VPS13B: variants seen among roughly 807,000 people sequenced by gnomAD.
The protein encoded by VPS13B is vacuolar protein sorting 13 homolog B.
VPS13B carries 285 observed loss-of-function variants against 426.4 expected under a neutral mutation model. The observed-to-expected ratio is 0.67, with a 90% CI of 0.61 to 0.74. The LOEUF (loss-of-function observed/expected upper bound fraction) is 0.74. VPS13B is among the 30% of genes least tolerant of loss of function. VPS13B has a pLI of 0.00. For missense variants in VPS13B, 4,537 were observed against 4,782.6 expected, an observed-to-expected ratio of 0.95 and a Z score of 1.51; for synonymous variants, 1,676 against 1,676.4, an observed-to-expected ratio of 1.00 and a Z score of 0.01.
At chr8:99,633,362 A>T (rs1828926797) in intron 33 of VPS13B, among the ~76,000 whole-genome samples, 1 of 152,060 alleles carries the variant, frequency 6.6e-6, no homozygotes, top group Non-Finnish European at 1.5e-5. Flanking sequence ...CTTTTCTGTG[A>T]CTTACATATA....
intron 14 of VPS13B, among the ~76,000 whole-genome samples, chr8:99,154,056 T>C (rs897284540): frequency 2.0e-5 from 3 of 152,082 alleles, no homozygotes; most frequent in African/African-American, 4.8e-5. Context: ...ATATCATTGC[T>C]CCTCTATAAG....
intron 34 of VPS13B, among the ~76,000 whole-genome samples, chr8:99,653,421 T>C (rs1029332304): frequency 6.6e-6 from 1 of 151,934 alleles, no homozygotes; most frequent in Non-Finnish European, 1.5e-5. Flanking sequence ...AGAAAAGAGG[T>C]TTACAGTTGG....
At chr8:99,173,878 C>G (rs1167710515) in intron 16 of VPS13B, among the ~76,000 whole-genome samples, 1 of 152,186 alleles carries the variant, frequency 6.6e-6, no homozygotes, top group Admixed American at 6.5e-5. Flanking sequence ...CTTCTTGATT[C>G]AAGGCTCGAT....
chr8:99,323,595 C>T (rs1010124537), intron 19 of VPS13B, among the ~76,000 whole-genome samples: 4 of 152,118 alleles, frequency 2.6e-5, no homozygotes, highest in Non-Finnish European at 5.9e-5. Context: ...TTATATCATG[C>T]CATCTCAAAT....
chr8:99,526,927 T>C (rs12542214), intron 30 of VPS13B, among the ~76,000 whole-genome samples: 43,352 of 151,978 alleles, frequency 0.29, 7,227 homozygotes, highest in East Asian at 0.44. Flanking sequence ...GGTGATTGGG[T>C]GTGATACTGT....
intron 19 of VPS13B, among the ~76,000 whole-genome samples, chr8:99,349,066 G>T (rs1258587925): frequency 6.6e-6 from 1 of 151,572 alleles, no homozygotes; most frequent in Non-Finnish European, 1.5e-5. Flanking sequence ...GGGCGCGGTG[G>T]CTCACGCCTG....
At chr8:99,349,332 CAAAAAAAAA>C (rs35441676) in intron 19 of VPS13B, among the ~76,000 whole-genome samples, 1 of 47,732 alleles carries the variant, frequency 2.1e-5, no homozygotes, top group Non-Finnish European at 3.4e-5. Flanking sequence ...GACTCCGTCT[CAAAAAAAAA>C]AAAAAAAAAA....
chr8:99,784,242 AC>A, intron 42 of VPS13B, 72 bp from the exon 43 acceptor site: 1 of 1,595,562 alleles, frequency 6.3e-7, no homozygotes, highest in South Asian at 1.1e-5. Flanking sequence ...AACAATCGCC[AC>A]TGGGCAGACA....
chr8:99,276,610 T>A (rs1427703176), intron 19 of VPS13B, among the ~76,000 whole-genome samples: 3 of 152,152 alleles, frequency 2.0e-5, no homozygotes, highest in Admixed American at 6.5e-5. Flanking sequence ...TCAATAAAGC[T>A]TTATTTATAA....
rs531468259 is a variant in VPS13B, at chr8:99,038,218, A to T, written c.148-205A>T. Among the ~76,000 whole-genome samples, 17 of 152,270 alleles carry T rather than the reference A, an allele frequency of 1.1e-4. No individual in the cohort carries two copies. In the East Asian group the frequency reaches 3.3e-3, roughly 29 times the overall value. ...TGATGCTACTTTTTGATAAACAGTA[A>T]TTCTGAAAATATTTTTGTGTTGGAC... On this transcript the variant is annotated intron_variant, in intron 2 of 61. Transcript: ENST00000357162.
intron 16 of VPS13B, among the ~76,000 whole-genome samples, chr8:99,179,376 T>C (rs1184703772): frequency 6.6e-6 from 1 of 152,212 alleles, no homozygotes; most frequent in Non-Finnish European, 1.5e-5. Flanking sequence ...AGCTTTAAAA[T>C]ATTCTTTGAT....
intron 21 of VPS13B, among the ~76,000 whole-genome samples, chr8:99,406,048 G>C (rs1404933020): frequency 6.6e-6 from 1 of 151,964 alleles, no homozygotes; most frequent in Non-Finnish European, 1.5e-5. Flanking sequence ...AAAGTGCTTG[G>C]ATTACAGGCG....
At chr8:99,636,799 T>C (rs897078613) in intron 33 of VPS13B, among the ~76,000 whole-genome samples, 35 of 152,066 alleles carry the variant, frequency 2.3e-4, no homozygotes, top group Non-Finnish European at 4.6e-4. Flanking sequence ...ATGCATTTAA[T>C]TCTCTGAAAG....
chr8:99,706,871 C>A (rs866460108), intron 36 of VPS13B, among the ~76,000 whole-genome samples: 6 of 152,264 alleles, frequency 3.9e-5, no homozygotes, highest in Middle Eastern at 3.4e-3. Flanking sequence ...CTCTATCCCC[C>A]ACTCTACTGA....
intron 19 of VPS13B, among the ~76,000 whole-genome samples, chr8:99,349,759 G>A (rs1337554232): frequency 6.6e-6 from 1 of 152,134 alleles, no homozygotes; most frequent in Non-Finnish European, 1.5e-5. Context: ...AATGGTGGCT[G>A]TTTCTGGTGG....
intron 25 of VPS13B, among the ~76,000 whole-genome samples, chr8:99,494,716 T>C (rs571050798): frequency 2.0e-5 from 3 of 152,224 alleles, no homozygotes; most frequent in South Asian, 4.1e-4. Flanking sequence ...GTGAGGACTT[T>C]AGTAGTTTTT....
intron 2 of VPS13B, among the ~76,000 whole-genome samples, chr8:99,026,481 T>A (rs1430072162): frequency 6.6e-6 from 1 of 152,198 alleles, no homozygotes; most frequent in East Asian, 1.9e-4. Context: ...AAAGTGCAAT[T>A]GAAATTTGAT....
At chr8:99,478,516 C>T (rs1158680657) in intron 24 of VPS13B, among the ~76,000 whole-genome samples, 3 of 125,524 alleles carry the variant, frequency 2.4e-5, no homozygotes, top group African/African-American at 9.2e-5. Flanking sequence ...GGTGTGGTCT[C>T]GGCTAACTGC....
At chr8:99,623,163 G>C (rs1828441354) in intron 33 of VPS13B, among the ~76,000 whole-genome samples, 1 of 152,088 alleles carries the variant, frequency 6.6e-6, no homozygotes, top group Admixed American at 6.5e-5. Flanking sequence ...CTACTATGCT[G>C]TCCATCACAC....
Sources: gnomAD v4.1 joint callset for allele counts (sites outside exome capture counted in the v4.1 genomes callset) on GRCh38, gnomAD v4.1.1 for gene constraint, MANE v1.5 for transcripts, NCBI Gene and HGNC (gene_info 2026-07-23, HGNC 2026-07-21) for gene names.